EVI5L: variants seen among roughly 807,000 people sequenced by gnomAD.
EVI5L encodes the protein ecotropic viral integration site 5 like, also known as EVI5-like protein.
In EVI5L, 30 loss-of-function variants were observed where a neutral mutation model predicts 106.1. That is an observed-to-expected ratio of 0.28 (90% CI 0.21 to 0.38). EVI5L has a LOEUF of 0.38. EVI5L is among the 10% of genes least tolerant of loss of function. The probability of loss-of-function intolerance (pLI) is 1.00; values close to 1 mark genes in which losing one functional copy is unlikely to be tolerated. For missense variants in EVI5L, 809 were observed against 1,098.0 expected (o/e 0.74, Z 3.72); for synonymous variants, 489 against 483.3 (o/e 1.01, Z -0.15).
At chr19:7,847,693 G>A in intron 2 of EVI5L, 39 bp from the exon 3 acceptor site, 2 of 1,597,482 alleles carry the variant, frequency 1.3e-6, no homozygotes, top group South Asian at 2.2e-5. Context: ...CTGTCCCCAG[G>A]GAGTCACTGG....
At chr19:7,862,659 TCCCGCCCCCGCC>T (rs1325885240) in intron 17 of EVI5L, 125 bp downstream of exon 17, 2 of 695,256 alleles carry the variant, frequency 2.9e-6, no homozygotes, top group Non-Finnish European at 3.7e-6. Flanking sequence ...CCCGCGGTCC[TCCCGCCCCCGCC>T]CGCGGCCCCG....
chr19:7,842,193 GT>G (rs1555691897), intron 1 of EVI5L, among the ~76,000 whole-genome samples: 13 of 86,232 alleles, frequency 1.5e-4, no homozygotes, highest in Non-Finnish European at 3.5e-4. Flanking sequence ...GGGTGTGTGT[GT>G]TGTGTGTGCA....
In EVI5L at chr19:7,849,207, G is replaced by A. The variant is rs544361500; in HGVS notation, c.553-49G>A. 343 of 1,613,240 alleles carry A rather than the reference G, an allele frequency of 2.1e-4. 12 individuals are homozygous for A. In the South Asian group the frequency reaches 3.1e-3, roughly 15 times the overall value. ...GGAAGGAGAAGTTCCCCAGTTCACC[G>A]GCTGTGCTGGACGGCGGGACCCTGC... On this transcript the variant is annotated intron_variant, in intron 4 of 19. Transcript: ENST00000538904.
In EVI5L at chr19:7,856,836, C is replaced by G. The variant is rs1979550613; in HGVS notation, c.1201-256C>G. 4 of 672,912 alleles carry G rather than the reference C, an allele frequency of 5.9e-6. No individual in the cohort carries two copies. The Admixed American group carries it at 6.2e-5, about 10-fold the overall frequency. 41.7% of individuals were successfully genotyped at this position (672,912 alleles called of 1,614,324 possible). A position where few individuals can be genotyped will look rare whatever the true frequency, so the allele number is the denominator to read the frequency against. On this transcript the variant is annotated intron_variant, in intron 11 of 19. Transcript: ENST00000538904. The surrounding 1 kb of genome is among the most constrained non-coding windows in gnomAD (Gnocchi z 6.6). ...GACAGTGGGTTTCCCAGCCCTGCGG[C>G]CTCCCCCACAGCCGCGGGCACCCCC...
At position 7,863,522 on chromosome 19, in the gene EVI5L, G is replaced by T. The variant is rs750104841; in HGVS notation, c.2238G>T (p.Ser746=). 1.3e-6 allele frequency: 2 copies of T among 1,595,656 alleles called. No homozygotes were observed. The highest frequency in any genetic ancestry group is 1.7e-6 in the Non-Finnish European group (2 of 1,172,176). The stretch of plus-strand genomic sequence containing the variant: ...TGGACGAGGACTCGCTGCCGTCGTC[G>T]GACGAGGAGCTACTTGGCGTAGGCG... ...RHLDEDSLPS[S]DEELLGVGVG... The change falls in exon 20 of 20, where the codon TCG becomes TCT. Residue 746 remains serine (S), a synonymous_variant. Coordinates refer to ENST00000538904, the MANE Select transcript of EVI5L (RefSeq NM_001159944.3). The surrounding 1 kb of genome is among the most constrained non-coding windows in gnomAD (Gnocchi z 7.7).
chr19:7,846,757 C>T (rs78643185), intron 2 of EVI5L, 78 bp downstream of exon 2: 1 of 1,530,704 alleles, frequency 6.5e-7, no homozygotes, highest in Non-Finnish European at 8.8e-7. Flanking sequence ...GGTGCCCTCA[C>T]ATTCAGAGCC....
chr19:7,842,396 ATGTG>A (rs1978655705), intron 1 of EVI5L, among the ~76,000 whole-genome samples: 1 of 17,774 alleles, frequency 5.6e-5, no homozygotes, highest in African/African-American at 1.4e-4. Context: ...GTCTGTGAGA[ATGTG>A]AGTGTGTGTG....
rs985291345 is a variant in EVI5L, at chr19:7,845,926, G to A, written c.-47-570G>A. ...CTGGCTTCTCAACCCAAGGGGAGTCGACTCTTCTGGCCATTGGCAGCGCCA... is the reference window on the plus strand; with the variant it reads ...CTGGCTTCTCAACCCAAGGGGAGTCAACTCTTCTGGCCATTGGCAGCGCCA... On this transcript the variant is annotated intron_variant, in intron 1 of 19. Transcript: ENST00000538904. This position sits in a 1 kb window ranked among gnomAD's most constrained non-coding sequence, Gnocchi z 4.0. Among the ~76,000 whole-genome samples the A allele has an allele frequency of 1.6e-4, 24 of 152,194 alleles. No individual in the cohort carries two copies. The highest frequency in any genetic ancestry group is 9.8e-4 in the Admixed American group (15 of 15,270).
intron 1 of EVI5L, among the ~76,000 whole-genome samples, chr19:7,842,184 GGTGT>G (rs869156217): frequency 8.4e-6 from 1 of 118,418 alleles, no homozygotes; most frequent in Non-Finnish European, 1.9e-5. Flanking sequence ...AATGTGCATG[GGTGT>G]GTGTGTTGTG....
intron 1 of EVI5L, among the ~76,000 whole-genome samples, chr19:7,834,239 A>G (rs764882112): frequency 9.9e-5 from 15 of 152,138 alleles, no homozygotes; most frequent in Non-Finnish European, 1.8e-4. Context: ...GCCCCAGCTC[A>G]CTTGAACCTG....
rs1979971295 is a variant in EVI5L at position 7,863,621 on chromosome 19, G to A, written c.2337G>A (p.Arg779=). 5.8e-6 allele frequency: 9 copies of A among 1,557,886 alleles called. No homozygotes were observed. The highest frequency in any genetic ancestry group is 7.8e-6 in the Non-Finnish European group (9 of 1,152,144). ...RDARFFRRLE[R]PAKDSEGSSD... ...CGCGCTTCTTCCGCCGTCTGGAGCG[G>A]CCGGCCAAGGACAGCGAGGGCAGCT... is the stretch of plus-strand genomic sequence containing the variant. The change falls in exon 20 of 20, where the codon CGG becomes CGA. Residue 779 remains arginine (R), a synonymous_variant. Coordinates refer to ENST00000538904, the MANE Select transcript of EVI5L (RefSeq NM_001159944.3). The surrounding 1 kb of genome is among the most constrained non-coding windows in gnomAD (Gnocchi z 7.7).
Position 7,849,032 on chromosome 19 carries a change from T to G in EVI5L, c.439T>G (p.Ser147Ala). 6.2e-7 allele frequency: 1 copy of G among 1,613,600 alleles called. No individual in the cohort carries two copies. The highest frequency in any genetic ancestry group is 1.1e-5 in the South Asian group (1 of 91,058). Reference protein sequence around the residue: ...KNQYSELLKMSSPCEKLIRRD... With the variant: ...KNQYSELLKMASPCEKLIRRD... ...CCAGTACTCCGAGCTGCTCAAGATG[T>G]CCTCGCCGTGCGAGAAGCTGATCCG... The change falls in exon 4 of 20, where the codon TCC becomes GCC. Residue 147 changes from serine to alanine, a missense_variant. Ser to Ala is a moderately conservative substitution (Grantham distance 99). Around this residue, in one of 2 missense-constraint regions of EVI5L, gnomAD observed 357 missense variants for 588.1 expected, o/e 0.61. Coordinates refer to ENST00000538904, the MANE Select transcript of EVI5L (RefSeq NM_001159944.3).
intron 10 of EVI5L, among the ~76,000 whole-genome samples, chr19:7,855,185 C>T (rs750689674): frequency 1.3e-5 from 2 of 148,182 alleles, no homozygotes; most frequent in Non-Finnish European, 3.0e-5. Context: ...GAGGTGATCT[C>T]GGCTTACTGC....
intron 10 of EVI5L, 61 bp from the exon 11 acceptor site, chr19:7,855,954 G>A: frequency 7.7e-7 from 1 of 1,306,946 alleles, no homozygotes; most frequent in Non-Finnish European, 9.8e-7. Context: ...GGGTAAATGA[G>A]GGGTGCATGT....
At chr19:7,836,253 A>G (rs1978340599) in intron 1 of EVI5L, among the ~76,000 whole-genome samples, 1 of 150,344 alleles carries the variant, frequency 6.7e-6, no homozygotes, top group Non-Finnish European at 1.5e-5. Flanking sequence ...GAAAAAAAGA[A>G]GGAAATGGGG....
At chr19:7,830,411 C>A (rs1192552257) in intron 1 of EVI5L, 30 bp downstream of exon 1, 7 of 151,500 alleles carry the variant, frequency 4.6e-5, no homozygotes, top group African/African-American at 1.7e-4. Context: ...GCCTCCCGGG[C>A]GCCTGCTCAG....
rs781201997 is a variant in EVI5L at position 7,862,167 on chromosome 19, C to G, written c.1690C>G (p.Leu564Val). 5.1e-6 allele frequency: 8 copies of G among 1,577,320 alleles called. No homozygotes were observed. The highest frequency in any genetic ancestry group is 6.9e-6 in the Non-Finnish European group (8 of 1,166,056). Residue 564 changes from leucine (L) to valine (V), a missense_variant, in exon 16 of 20, where the codon CTG (leucine) becomes GTG (valine). Physicochemically the swap from Leu to Val is conservative, Grantham distance 32. Around this residue, in one of 2 missense-constraint regions of EVI5L, gnomAD observed 452 missense variants for 509.9 expected, o/e 0.89. Coordinates refer to ENST00000538904, the MANE Select transcript of EVI5L (RefSeq NM_001159944.3). ...CCGCTGGAAGGAGTCCCCACGGAAG[C>G]TGGTCGTGGGCGAGCTGCAGGACGA... ...GGRWKESPRK[L>V]VVGELQDELM...
Position 7,836,169 on chromosome 19 carries a change from G to A in EVI5L, c.-48+5788G>A, listed in dbSNP as rs1007395778. 1.3e-4 allele frequency among the ~76,000 whole-genome samples: 19 copies of A among 151,792 alleles called. 1 individual carries two copies. The South Asian group carries it at 1.7e-3, about 13-fold the overall frequency. ...GGAGAAGTGCTTGAACCCAGGAGGC[G>A]GAGGTTGCAGTGAGCCAAGATCGTG... On this transcript the variant is annotated intron_variant, in intron 1 of 19. Transcript: ENST00000538904.
chr19:7,862,770 G>T lies in EVI5L; in HGVS notation c.1948-202G>T, dbSNP rs1430603348. Among the ~76,000 whole-genome samples, 3 of 70,436 alleles carry T rather than the reference G, an allele frequency of 4.3e-5. No homozygotes were observed. In the East Asian group the frequency reaches 1.5e-3, roughly 36 times the overall value. 46.2% of individuals were successfully genotyped at this position (70,436 alleles called of 152,430 possible). ...CCCCCGCGGTCCCGCCTCCTGATCC[G>T]CCCCCGCCCGCGGCCACGCCTCCTG... On this transcript the variant is annotated intron_variant, in intron 17 of 19. Coordinates refer to ENST00000538904, the MANE Select transcript of EVI5L (RefSeq NM_001159944.3).
Sources: allele counts gnomAD v4.1 joint callset (sites outside exome capture counted in the v4.1 genomes callset), GRCh38; gene constraint gnomAD v4.1.1; regional missense constraint gnomAD v4.1.1; non-coding constraint Gnocchi (gnomAD v3.1); transcripts MANE v1.5; gene names NCBI Gene and HGNC (gene_info 2026-07-23, HGNC 2026-07-21).